DLGAP1: variants seen among roughly 807,000 people sequenced by gnomAD.
DLGAP1 encodes disks large-associated protein 1.
DLGAP1 carries 11 observed loss-of-function variants against 90.8 expected under a neutral mutation model. That is an observed-to-expected ratio of 0.12 (90% CI 0.08 to 0.20). DLGAP1 has a LOEUF of 0.20. DLGAP1 is among the 10% of genes least tolerant of loss of function. DLGAP1 has a pLI of 1.00. For synonymous variants in DLGAP1, 558 were observed against 540.7 expected (o/e 1.03, Z -0.44); for missense variants, 1,050 against 1,333.8 (o/e 0.79, Z 3.31).
intron 7 of DLGAP1, among the ~76,000 whole-genome samples, chr18:3,605,473 C>G (rs186401592): frequency 1.3e-5 from 2 of 152,314 alleles, no homozygotes; most frequent in East Asian, 3.9e-4. Context: ...ACACAGTTAA[C>G]GTTTGCTGCC....
At chr18:3,795,461 G>A (rs534080284) in intron 5 of DLGAP1, among the ~76,000 whole-genome samples, 64 of 151,708 alleles carry the variant, frequency 4.2e-4, no homozygotes, top group Non-Finnish European at 6.9e-4. Flanking sequence ...GACTACAGGC[G>A]CCCACCACCA....
At chr18:4,208,261 T>C (rs2077762142) in intron 1 of DLGAP1, among the ~76,000 whole-genome samples, 1 of 152,216 alleles carries the variant, frequency 6.6e-6, no homozygotes, top group Admixed American at 6.5e-5. Context: ...ACATCTAAAA[T>C]AATTTCCATA....
chr18:3,516,277 T>C (rs2050841700), intron 10 of DLGAP1, among the ~76,000 whole-genome samples: 2 of 152,102 alleles, frequency 1.3e-5, no homozygotes, highest in African/African-American at 2.4e-5. Context: ...GGTGTATAAA[T>C]TTATGGGGTA....
At chr18:4,122,555 G>A (rs544494241) in intron 2 of DLGAP1, among the ~76,000 whole-genome samples, 103 of 152,288 alleles carry the variant, frequency 6.8e-4, no homozygotes, top group African/African-American at 2.4e-3. Flanking sequence ...ATGTTTTTAC[G>A]TTTTTTGCAC....
At chr18:4,217,151 C>A (rs985658236) in intron 1 of DLGAP1, among the ~76,000 whole-genome samples, 1 of 152,090 alleles carries the variant, frequency 6.6e-6, no homozygotes, top group African/African-American at 2.4e-5. Context: ...CCTTTTCTGG[C>A]TGCCTCCTTT....
In DLGAP1 at chr18:3,855,793, T is replaced by C. The variant is rs909298587; in HGVS notation, c.957+23319A>G. ...CACACCAGGCTAATTTTTGTATTTTTAGTAGAGACGGGGTTCACTATGTTG... is the reference window on the plus strand; with the variant it reads ...CACACCAGGCTAATTTTTGTATTTTCAGTAGAGACGGGGTTCACTATGTTG... On this transcript the variant is annotated intron_variant, in intron 4 of 12. Transcript: ENST00000315677. Among the ~76,000 whole-genome samples the C allele has an allele frequency of 1.4e-4, 21 of 152,252 alleles. No individual in the cohort carries two copies. The South Asian group carries it at 3.1e-3, about 23-fold the overall frequency.
intron 1 of DLGAP1, among the ~76,000 whole-genome samples, chr18:4,347,122 A>C (rs1186778052): frequency 6.6e-6 from 1 of 152,130 alleles, no homozygotes; most frequent in Non-Finnish European, 1.5e-5. Context: ...AGTTTTCCAG[A>C]GAATCACGTG....
At chr18:4,205,414 A>G (rs1414270250) in intron 1 of DLGAP1, among the ~76,000 whole-genome samples, 2 of 152,186 alleles carry the variant, frequency 1.3e-5, no homozygotes, top group African/African-American at 4.8e-5. Context: ...GGTTATGCCA[A>G]TGATTGTAGA....
At chr18:3,732,852 A>G (rs758548036) in intron 6 of DLGAP1, among the ~76,000 whole-genome samples, 11 of 152,108 alleles carry the variant, frequency 7.2e-5, no homozygotes, top group Non-Finnish European at 1.6e-4. Context: ...CAAGAACACA[A>G]TCTGGGTACT....
intron 8 of DLGAP1, among the ~76,000 whole-genome samples, chr18:3,578,493 A>T (rs2055288306): frequency 6.6e-6 from 1 of 151,648 alleles, no homozygotes; most frequent in Admixed American, 6.6e-5. Flanking sequence ...AGCAGCTGGG[A>T]CTACAGGCGT....
chr18:3,797,323 A>AG (rs2066046405), intron 5 of DLGAP1, among the ~76,000 whole-genome samples: 1 of 150,236 alleles, frequency 6.7e-6, no homozygotes, highest in African/African-American at 2.5e-5. Flanking sequence ...AGACTGTCTC[A>AG]GGAAAAAAAA....
chr18:4,072,298 CTTT>C (rs10578078), intron 2 of DLGAP1, among the ~76,000 whole-genome samples: 44 of 150,952 alleles, frequency 2.9e-4, no homozygotes, highest in African/African-American at 8.0e-4. Context: ...AATGATGAAA[CTTT>C]TTTTTTTTTC....
intron 5 of DLGAP1, among the ~76,000 whole-genome samples, chr18:3,773,300 T>G (rs1049480885): frequency 2.0e-5 from 3 of 152,172 alleles, no homozygotes; most frequent in Non-Finnish European, 4.4e-5. Flanking sequence ...GGTAATAAAC[T>G]AATATTAGCA....
intron 1 of DLGAP1, among the ~76,000 whole-genome samples, chr18:4,329,270 T>C (rs1247804023): frequency 6.6e-6 from 1 of 151,946 alleles, no homozygotes; most frequent in African/African-American, 2.4e-5. Context: ...AAACGAAGAT[T>C]TCTACATTGA....
intron 3 of DLGAP1, among the ~76,000 whole-genome samples, chr18:3,927,169 A>T (rs1210271151): frequency 1.3e-5 from 2 of 152,240 alleles, no homozygotes; most frequent in Admixed American, 1.3e-4. Flanking sequence ...AAGATCACAC[A>T]GGCTGGTAGT....
intron 1 of DLGAP1, among the ~76,000 whole-genome samples, chr18:4,178,492 C>G (rs1360195050): frequency 1.3e-5 from 2 of 152,144 alleles, no homozygotes; most frequent in African/African-American, 2.4e-5. Context: ...AGACACTAAA[C>G]CTTATTTATC....
At chr18:3,721,100 G>A (rs2061965599) in intron 7 of DLGAP1, among the ~76,000 whole-genome samples, 1 of 151,942 alleles carries the variant, frequency 6.6e-6, no homozygotes, top group East Asian at 1.9e-4. Flanking sequence ...AGACAAAAGT[G>A]AATGATAAAG....
chr18:4,071,733 G>T (rs2143474735), intron 2 of DLGAP1, among the ~76,000 whole-genome samples: 1 of 152,334 alleles, frequency 6.6e-6, no homozygotes. Context: ...GGGTCTGGTT[G>T]TCTGAATTGT....
chr18:3,719,142 C>T (rs1480716404), intron 7 of DLGAP1, among the ~76,000 whole-genome samples: 1 of 151,982 alleles, frequency 6.6e-6, no homozygotes, highest in Non-Finnish European at 1.5e-5. Flanking sequence ...GGCAAAGAGA[C>T]TTGAAGGGAG....
Sources: gnomAD v4.1 joint callset for allele counts (sites outside exome capture counted in the v4.1 genomes callset) on GRCh38, gnomAD v4.1.1 for gene constraint, MANE v1.5 for transcripts, NCBI Gene and HGNC (gene_info 2026-07-23, HGNC 2026-07-21) for gene names.